Variants in RAB6A observed in about 807,000 individuals in gnomAD.
The protein encoded by RAB6A is RAB6A, member RAS oncogene family.
Under a neutral mutation model 32.3 loss-of-function variants are expected in RAB6A, and 8 were observed. That is an observed-to-expected ratio of 0.25 (90% confidence interval 0.15 to 0.45). RAB6A has a LOEUF of 0.45. Among genes scored for constraint, RAB6A ranks in the 20% least tolerant of loss-of-function variants. RAB6A has a pLI of 1.00. For synonymous variants in RAB6A, 73 were observed against 82.1 expected (o/e 0.89, Z 0.60); for missense variants, 104 against 249.4 (o/e 0.42, Z 3.93).
rs554380337 is a variant in RAB6A, at chr11:73,676,970, A to T, written c.*928T>A. 1.2e-5 allele frequency: 2 copies of T among 166,870 alleles called. No homozygotes were observed. Among genetic ancestry groups the T allele is most frequent in the Admixed American group, 1.3e-4 (2 of 15,308 alleles). The allele number at this position is 166,870 out of a possible 1,614,324, so 10.3% of individuals were successfully genotyped here. A position where few individuals can be genotyped will look rare whatever the true frequency, so the allele number is the denominator to read the frequency against. The stretch of plus-strand genomic sequence containing the variant: ...GTTTTTAAAAAAGAAAACCCAAGCA[A>T]AATCTATTGCTTAAAGAGGTTTCTT... On this transcript the variant is annotated 3_prime_UTR_variant, in exon 8 of 8. Coordinates refer to ENST00000336083, the MANE Select transcript of RAB6A (RefSeq NM_198896.2).
At chr11:73,757,112 TATATATATATATA>T (rs1946764571) in intron 1 of RAB6A, among the ~76,000 whole-genome samples, 2 of 42,154 alleles carry the variant, frequency 4.7e-5, no homozygotes, top group Non-Finnish European at 9.4e-5. Context: ...TATATATATA[TATATATATATATA>T]TATATTTTTT....
intron 7 of RAB6A, 131 bp downstream of exon 7, chr11:73,679,523 G>A: frequency 2.6e-6 from 3 of 1,144,140 alleles, no homozygotes; most frequent in Non-Finnish European, 3.8e-6. Flanking sequence ...GAAAACAAAT[G>A]AATTTCTATG....
intron 2 of RAB6A, among the ~76,000 whole-genome samples, chr11:73,725,426 C>T (rs180987059): frequency 2.0e-5 from 3 of 152,208 alleles, no homozygotes; most frequent in East Asian, 1.9e-4. Flanking sequence ...TCTGTTTTGG[C>T]GCTGCCGATA....
chr11:73,684,074 G>A (rs770342273), intron 6 of RAB6A, among the ~76,000 whole-genome samples: 1 of 151,864 alleles, frequency 6.6e-6, no homozygotes, highest in Non-Finnish European at 1.5e-5. Context: ...CCTTCCAACA[G>A]CAAAAACATT....
intron 5 of RAB6A, among the ~76,000 whole-genome samples, chr11:73,708,458 C>T (rs1008786498): frequency 2.0e-5 from 3 of 152,086 alleles, no homozygotes; most frequent in Non-Finnish European, 2.9e-5. Flanking sequence ...CGTGAGCCAC[C>T]GTGCCCAGCC....
chr11:73,712,951 C>T (rs1192584732), intron 5 of RAB6A, among the ~76,000 whole-genome samples: 2 of 152,038 alleles, frequency 1.3e-5, no homozygotes, highest in Non-Finnish European at 2.9e-5. Flanking sequence ...CTCCTGGCAT[C>T]AAGTGATCTG....
intron 6 of RAB6A, among the ~76,000 whole-genome samples, chr11:73,693,729 T>TA (rs1945613622): frequency 6.6e-6 from 1 of 151,754 alleles, no homozygotes; most frequent in Non-Finnish European, 1.5e-5. Context: ...ACTAAAAATT[T>TA]AAAAAATCAG....
intron 5 of RAB6A, among the ~76,000 whole-genome samples, chr11:73,707,768 CT>C (rs1945872668): frequency 6.6e-6 from 1 of 151,950 alleles, no homozygotes; most frequent in African/African-American, 2.4e-5. Flanking sequence ...AATTTTTTTA[CT>C]TTTACAAACT....
At chr11:73,736,369 C>T (rs1352105877) in intron 1 of RAB6A, among the ~76,000 whole-genome samples, 1 of 151,814 alleles carries the variant, frequency 6.6e-6, no homozygotes, top group African/African-American at 2.4e-5. Flanking sequence ...GCGGAGGTTG[C>T]AGTGAGCCGA....
intron 5 of RAB6A, among the ~76,000 whole-genome samples, chr11:73,713,342 A>T (rs567845900): frequency 1.3e-5 from 2 of 152,174 alleles, no homozygotes; most frequent in Non-Finnish European, 2.9e-5. Flanking sequence ...AGACCAAGGC[A>T]GGTGGATCAC....
intron 1 of RAB6A, among the ~76,000 whole-genome samples, chr11:73,747,753 A>C (rs1946613730): frequency 6.6e-6 from 1 of 152,102 alleles, no homozygotes; most frequent in Non-Finnish European, 1.5e-5. Flanking sequence ...GACACTTTCA[A>C]ATAATACTTG....
At chr11:73,716,486 T>C (rs1247325408) in intron 4 of RAB6A, 124 bp from the exon 5 acceptor site, 6 of 596,002 alleles carry the variant, frequency 1.0e-5, no homozygotes, top group Non-Finnish European at 1.8e-5. Context: ...ACCCCACTTT[T>C]AATGTGCCTG....
In RAB6A at chr11:73,676,182, A is replaced by G. The variant is rs1945267241; in HGVS notation, c.*1716T>C. The stretch of plus-strand genomic sequence containing the variant: ...TCTCCCAGTTTAAGGTTTTGTTCCA[A>G]TGAGGGGATGAGGAAGTATGAAGAT... On this transcript the variant is annotated 3_prime_UTR_variant, in exon 8 of 8. Coordinates refer to ENST00000336083, the MANE Select transcript of RAB6A (RefSeq NM_198896.2). 6.0e-6 allele frequency: 1 copy of G among 167,114 alleles called. No homozygotes were observed. The highest frequency in any genetic ancestry group is 2.4e-5 in the African/African-American group (1 of 41,470). The allele number at this position is 167,114 out of a possible 1,614,324, so 10.4% of individuals were successfully genotyped here.
At chr11:73,683,969 T>A (rs1235749573) in intron 6 of RAB6A, among the ~76,000 whole-genome samples, 1 of 152,170 alleles carries the variant, frequency 6.6e-6, no homozygotes, top group Non-Finnish European at 1.5e-5. Flanking sequence ...AACTACATTG[T>A]ATTAATAGTA....
At chr11:73,718,487 T>C (rs1338922619) in intron 4 of RAB6A, 126 bp downstream of exon 4, 2 of 764,128 alleles carry the variant, frequency 2.6e-6, no homozygotes, top group Non-Finnish European at 4.1e-6. Flanking sequence ...CTGGCTGGTA[T>C]GTAATTTACT....
At chr11:73,712,475 TGAG>T (rs1430980234) in intron 5 of RAB6A, among the ~76,000 whole-genome samples, 3 of 151,874 alleles carry the variant, frequency 2.0e-5, no homozygotes, top group Non-Finnish European at 4.4e-5. Context: ...CTCAGCCTCC[TGAG>T]GAGCTGGGAT....
intron 5 of RAB6A, among the ~76,000 whole-genome samples, chr11:73,710,593 T>C (rs1945940679): frequency 6.6e-6 from 1 of 151,962 alleles, no homozygotes; most frequent in East Asian, 2.0e-4. Context: ...GAAAATTAGC[T>C]GGGTGTGGCG....
At chr11:73,732,703 T>A (rs1590873900) in intron 1 of RAB6A, among the ~76,000 whole-genome samples, 1 of 152,274 alleles carries the variant, frequency 6.6e-6, no homozygotes, top group East Asian at 1.9e-4. Flanking sequence ...GAGATTGCAG[T>A]GAGCTGAGAG....
chr11:73,695,443 A>T (rs1003997078), intron 6 of RAB6A, among the ~76,000 whole-genome samples: 1 of 151,662 alleles, frequency 6.6e-6, no homozygotes, highest in Non-Finnish European at 1.5e-5. Context: ...ACAGTGGCGC[A>T]ATCTCGGCTC....
Sources: allele counts gnomAD v4.1 joint callset (sites outside exome capture counted in the v4.1 genomes callset), GRCh38; gene constraint gnomAD v4.1.1; transcripts MANE v1.5; gene names NCBI Gene and HGNC (gene_info 2026-07-23, HGNC 2026-07-21).